The following API5 variants were observed in gnomAD, a reference collection of about 807,000 sequenced individuals.
API5 encodes apoptosis inhibitor 5.
API5 carries 6 observed loss-of-function variants against 71.9 expected under a neutral mutation model. That is an observed-to-expected ratio of 0.08 (90% CI 0.05 to 0.16). The LOEUF is 0.16. API5 is among the 10% of genes least tolerant of loss of function. The probability of loss-of-function intolerance (pLI) is 1.00; values close to 1 mark genes in which losing one functional copy is unlikely to be tolerated. For synonymous variants in API5, 189 were observed against 221.3 expected, an observed-to-expected ratio of 0.85 and a Z score of 1.30; for missense variants, 332 against 612.8, an observed-to-expected ratio of 0.54 and a Z score of 4.84.
chr11:43,330,659 G>A, intron 11 of API5, 95 bp downstream of exon 11: 1 of 984,550 alleles, frequency 1.0e-6, no homozygotes, highest in Middle Eastern at 2.6e-4. Flanking sequence ...CCAACAAAGG[G>A]AGGCATGCAA....
chr11:43,316,075 C>T (rs965875907), intron 1 of API5, among the ~76,000 whole-genome samples: 6 of 152,044 alleles, frequency 3.9e-5, no homozygotes, highest in Non-Finnish European at 8.8e-5. Flanking sequence ...GCAGGGTTGG[C>T]GTGTAGGCTT....
chr11:43,313,335 C>T (rs1265049988), intron 1 of API5, among the ~76,000 whole-genome samples: 5 of 152,062 alleles, frequency 3.3e-5, no homozygotes, highest in Non-Finnish European at 1.5e-5. Flanking sequence ...TACTGGAGTA[C>T]ATTGAACTTG....
intron 12 of API5, 87 bp downstream of exon 12, chr11:43,335,441 G>A: frequency 1.3e-6 from 1 of 767,176 alleles, no homozygotes; most frequent in South Asian, 1.6e-5. Context: ...AATGTTAAAT[G>A]ATTCATAATA....
At position 43,330,528 on chromosome 11, in the gene API5, A is replaced by G. The variant is rs537478195; in HGVS notation, c.1242A>G (p.Ala414=). 1.9e-6 allele frequency: 3 copies of G among 1,600,252 alleles called. No homozygotes were observed. Among genetic ancestry groups the G allele is most frequent in the African/African-American group, 1.3e-5 (1 of 74,640 alleles). The part of the protein sequence containing the change: ...KTEENKIKVV[A]LKITNNINVL... ...TGTAGAACAAGATTAAAGTCGTTGC[A>G]TTGAAAATAACAAACAATATCAATG... Residue 414 remains alanine, a synonymous_variant, in exon 11 of 14, where the codon GCA becomes GCG. Coordinates refer to ENST00000531273, the MANE Select transcript of API5 (RefSeq NM_001142930.2).
chr11:43,320,718 A>G, intron 2 of API5, 103 bp from the exon 3 acceptor site: 1 of 992,908 alleles, frequency 1.0e-6, no homozygotes, highest in Admixed American at 2.2e-5. Context: ...GCAACAGAGC[A>G]ATACCTTGTC....
rs1296775798 is a variant in API5, at chr11:43,342,717, T to G, written c.*207T>G. ...AACCACAGTGATATTTTTGGATGCT[T>G]TGTCTGCAATCTTGACTTGTTTTTG... is the stretch of plus-strand genomic sequence containing the variant. On this transcript the variant is annotated 3_prime_UTR_variant, in exon 14 of 14. Coordinates refer to ENST00000531273, the MANE Select transcript of API5 (RefSeq NM_001142930.2). The G allele has an allele frequency of 1.5e-6, 1 of 678,882 alleles. No individual in the cohort carries two copies. The highest frequency in any genetic ancestry group is 2.7e-6 in the Non-Finnish European group (1 of 373,032). 42.1% of individuals were successfully genotyped at this position (678,882 alleles called of 1,614,324 possible).
At chr11:43,337,558 G>A (rs989579605) in intron 13 of API5, among the ~76,000 whole-genome samples, 5 of 152,118 alleles carry the variant, frequency 3.3e-5, no homozygotes, top group African/African-American at 1.2e-4. Flanking sequence ...ATAACAGTAT[G>A]TAAATGTGCA....
At chr11:43,333,918 C>T (rs1412221096) in intron 11 of API5, among the ~76,000 whole-genome samples, 1 of 152,144 alleles carries the variant, frequency 6.6e-6, no homozygotes, top group Non-Finnish European at 1.5e-5. Context: ...ATACCTAATA[C>T]AGTACCTACA....
In API5 at chr11:43,336,697, T is replaced by C. The variant is rs185176617; in HGVS notation, c.1492+703T>C. Among the ~76,000 whole-genome samples, 43 of 152,240 alleles carry C rather than the reference T, an allele frequency of 2.8e-4. No individual in the cohort carries two copies. The East Asian group carries it at 8.1e-3, about 29-fold the overall frequency. On this transcript the variant is annotated intron_variant, in intron 13 of 13. Transcript: ENST00000531273. ...GAATGGAGAGAAATATCAGGTCAAT[T>C]CCTTACCTTGCTTAAGAAGACAAAG...
At chr11:43,342,321 C>A in intron 13 of API5, 107 bp from the exon 14 acceptor site, 2 of 891,496 alleles carry the variant, frequency 2.2e-6, no homozygotes, top group Non-Finnish European at 3.5e-6. Flanking sequence ...TAGTTCTGTT[C>A]TTATAGGGCC....
Position 43,312,093 on chromosome 11 carries a change from G to C in API5, c.-35G>C, listed in dbSNP as rs750428791. ...CGGCGGTGGCGCCGGTCAGGACAAG[G>C]ATAGCGGAACCGGGCCCTGGGCTTG... On this transcript the variant is annotated 5_prime_UTR_variant, in exon 1 of 14. Transcript: ENST00000531273. The C allele has an allele frequency of 2.9e-5, 47 of 1,611,974 alleles. No individual in the cohort carries two copies. In the South Asian group the frequency reaches 4.9e-4, roughly 17 times the overall value.
intron 5 of API5, 38 bp from the exon 6 acceptor site, chr11:43,323,392 G>A (rs199998268): frequency 6.5e-7 from 1 of 1,533,998 alleles, no homozygotes; most frequent in East Asian, 2.3e-5. Flanking sequence ...CCATTCAAAT[G>A]ATGAACATAC....
intron 13 of API5, among the ~76,000 whole-genome samples, chr11:43,339,805 G>T (rs990654168): frequency 2.0e-5 from 3 of 152,080 alleles, no homozygotes; most frequent in African/African-American, 7.2e-5. Context: ...CATTCAAAGG[G>T]ACATTTTGTA....
At chr11:43,318,413 A>G in intron 1 of API5, 1 of 1,530,174 alleles carries the variant, frequency 6.5e-7, no homozygotes, top group Non-Finnish European at 8.7e-7. Context: ...TTTTCCACTT[A>G]AAATTAGACT....
chr11:43,318,564 A>G (rs1777964686), intron 1 of API5, 76 bp from the exon 2 acceptor site: 2 of 1,586,758 alleles, frequency 1.3e-6, no homozygotes, highest in Non-Finnish European at 1.7e-6. Context: ...ACACTCTAAC[A>G]TGTTTGTTAT....
Position 43,327,794 on chromosome 11 carries a change from G to A in API5, c.861G>A (p.Leu287=), listed in dbSNP as rs1020099395. 6.2e-7 allele frequency: 1 copy of A among 1,610,512 alleles called. No homozygotes were observed. Among genetic ancestry groups the A allele is most frequent in the African/African-American group, 1.3e-5 (1 of 74,798 alleles). The change falls in exon 8 of 14, where the codon TTG becomes TTA. Residue 287 remains leucine, a synonymous_variant. Coordinates refer to ENST00000531273, the MANE Select transcript of API5 (RefSeq NM_001142930.2). ...TAGTGAATTGTGTGTTTTAGGTATT[G>A]AAATTGTTGGCGGAGATGAGTTCAT... The part of the protein sequence containing the change: ...VEGLDIQLEV[L]KLLAEMSSFC...
chr11:43,314,165 A>G (rs1854590889), intron 1 of API5, among the ~76,000 whole-genome samples: 1 of 152,132 alleles, frequency 6.6e-6, no homozygotes, highest in Non-Finnish European at 1.5e-5. Context: ...CCTAAAAAGA[A>G]CTAGTAGTGA....
rs542782442 is a variant in API5 at position 43,324,012 on chromosome 11, A to T, written c.750+376A>T. Among the ~76,000 whole-genome samples, 4 of 152,210 alleles carry T rather than the reference A, an allele frequency of 2.6e-5. No homozygotes were observed. In the East Asian group the frequency reaches 7.7e-4, roughly 29 times the overall value. ...CCAAAGCAGCAAGAAACTTTCTTGA[A>T]AGAAAGAATTTTTTTTTTCCTTTGA... On this transcript the variant is annotated intron_variant, in intron 6 of 13. Transcript: ENST00000531273.
At chr11:43,326,033 T>G (rs1300469575) in intron 6 of API5, among the ~76,000 whole-genome samples, 1 of 152,180 alleles carries the variant, frequency 6.6e-6, no homozygotes, top group Non-Finnish European at 1.5e-5. Context: ...TTTTAAGAGT[T>G]TTGATGAGGA....
Sources: allele counts gnomAD v4.1 joint callset (sites outside exome capture counted in the v4.1 genomes callset), GRCh38; gene constraint gnomAD v4.1.1; transcripts MANE v1.5; gene names NCBI Gene and HGNC (gene_info 2026-07-23, HGNC 2026-07-21).